The following GATA4 variants were observed in gnomAD, a reference collection of about 807,000 sequenced individuals.
The protein encoded by GATA4 is GATA binding protein 4, also known as transcription factor GATA-4.
GATA4 carries 7 observed loss-of-function variants against 37.9 expected under a neutral mutation model. The observed-to-expected ratio is 0.18, with a 90% confidence interval of 0.11 to 0.35. The LOEUF (loss-of-function observed/expected upper bound fraction) is 0.35, where lower values mean the gene tolerates loss of function less well. Ranked by LOEUF, GATA4 falls within the 10% of genes least tolerant of loss-of-function variation. The pLI is 1.00. For synonymous variants in GATA4, 372 were observed against 292.6 expected (o/e 1.27, Z -2.77); for missense variants, 647 against 653.0 (o/e 0.99, Z 0.10).
upstream of GATA4, among the ~76,000 whole-genome samples, chr8:11,690,473 A>T (rs1799275139): frequency 6.6e-6 from 1 of 152,250 alleles, no homozygotes; most frequent in East Asian, 1.9e-4. Context: ...ATGTATAGAC[A>T]GGTTAAACTA....
intron 1 of GATA4, among the ~76,000 whole-genome samples, chr8:11,698,765 G>C (rs1031981594): frequency 7.2e-5 from 11 of 152,140 alleles, no homozygotes; most frequent in Non-Finnish European, 1.0e-4. Flanking sequence ...GCTGTGCACA[G>C]GGAAGTCCCT....
Position 11,708,691 on chromosome 8 carries a change from C to G in GATA4, c.379C>G (p.Arg127Gly). The change falls in exon 2 of 7, where the codon CGG (arginine) becomes GGG (glycine). Residue 127 changes from arginine to glycine, a missense_variant. By Grantham distance (125) the Arg-to-Gly change is moderately radical. Transcript: ENST00000532059. The surrounding 1 kb of genome is among the most constrained non-coding windows in gnomAD (Gnocchi z 6.7). ...GGCCGCCGCCGCCGCTGCCGCGGCC[C>G]GGGAAGCTGCGGCCTACAGCAGTGG... ...LAAAAAAAAA[R>G]EAAAYSSGGG... is the part of the protein sequence containing the mutation. The G allele has an allele frequency of 3.9e-6, 5 of 1,275,892 alleles. No homozygotes were observed. The highest frequency in any genetic ancestry group is 3.3e-5 in the East Asian group (1 of 30,334). 79.0% of individuals were successfully genotyped at this position (1,275,892 alleles called of 1,614,324 possible).
chr8:11,691,425 C>T (rs1275994175), upstream of GATA4, among the ~76,000 whole-genome samples: 1 of 152,190 alleles, frequency 6.6e-6, no homozygotes, highest in Non-Finnish European at 1.5e-5. Context: ...CTCAGTCCTC[C>T]TGGTAACTGG....
chr8:11,688,524 GCACACACACACACA>G (rs56159918), upstream of GATA4, among the ~76,000 whole-genome samples: 1 of 149,530 alleles, frequency 6.7e-6, no homozygotes, highest in Non-Finnish European at 1.5e-5. Flanking sequence ...GTGCGCGCAT[GCACACACACACACA>G]CACACACACA....
intron 2 of GATA4, among the ~76,000 whole-genome samples, chr8:11,721,743 C>A (rs1490033830): frequency 6.6e-6 from 1 of 152,176 alleles, no homozygotes; most frequent in African/African-American, 2.4e-5. Context: ...CCCAGAAGGT[C>A]AAGCATCTTG....
intron 1 of GATA4, among the ~76,000 whole-genome samples, chr8:11,682,899 G>A (rs1179131784): frequency 6.6e-6 from 1 of 152,172 alleles, no homozygotes; most frequent in Non-Finnish European, 1.5e-5. Context: ...GAACTACTCC[G>A]GAGAATTCGG....
intron 5 of GATA4, 120 bp from the exon 6 acceptor site, chr8:11,756,815 T>C (rs545119281): frequency 1.5e-6 from 2 of 1,344,424 alleles, no homozygotes; most frequent in African/African-American, 2.9e-5. Flanking sequence ...CCTCTGCTGC[T>C]GTCCCCGGCA....
At chr8:11,725,587 G>A (rs1048786726) in intron 2 of GATA4, among the ~76,000 whole-genome samples, 8 of 152,228 alleles carry the variant, frequency 5.3e-5, no homozygotes, top group African/African-American at 1.9e-4. Context: ...TACTGCGCAG[G>A]CTGGGGTGAG....
chr8:11,690,222 A>G (rs969907549), upstream of GATA4, among the ~76,000 whole-genome samples: 1 of 152,256 alleles, frequency 6.6e-6, no homozygotes, highest in Non-Finnish European at 1.5e-5. Context: ...ACACAGTGGA[A>G]GAGACCATGG....
chr8:11,699,848 C>T (rs1799615526), upstream of GATA4, among the ~76,000 whole-genome samples: 1 of 152,184 alleles, frequency 6.6e-6, no homozygotes. Context: ...CTTTTTTAAA[C>T]ATTGATTTTA....
chr8:11,742,272 A>G (rs1161862068), intron 2 of GATA4, among the ~76,000 whole-genome samples: 2 of 152,024 alleles, frequency 1.3e-5, no homozygotes, highest in South Asian at 4.2e-4. Context: ...GTCATTTGTA[A>G]AACCTCTTTG....
rs373755296 is a variant in GATA4 at position 11,680,678 on chromosome 8, A to ACC, written c.-274+3622_-274+3623dup. On this transcript the variant is annotated intron_variant, in intron 1 of 6. Coordinates refer to the GATA4 transcript ENST00000528712. ...TCTCGGGTCGCCCTTTGCGTCAGAG[A>ACC]CCCCCCCCTTGGGGAGACCGGAATC... The ACC allele has an allele frequency of 4.1e-6, 4 of 975,228 alleles. No individual in the cohort carries two copies. The African/African-American group carries it at 7.5e-5, about 18-fold the overall frequency. 60.4% of individuals were successfully genotyped at this position (975,228 alleles called of 1,614,324 possible).
chr8:11,700,170 C>A (rs1467072126), upstream of GATA4, among the ~76,000 whole-genome samples: 3 of 152,156 alleles, frequency 2.0e-5, no homozygotes, highest in African/African-American at 7.2e-5. Context: ...GTTCTGTAAT[C>A]TGGAAGTGAC....
chr8:11,753,237 G>C (rs804284), intron 4 of GATA4, among the ~76,000 whole-genome samples: 35,161 of 152,058 alleles, frequency 0.23, 4,619 homozygotes, highest in African/African-American at 0.34. Context: ...AAAAGGAAGG[G>C]AATTCTGGCC....
rs1359975696 is a variant in GATA4, at chr8:11,679,525, GA to G, written c.-274+2466del. Among the ~76,000 whole-genome samples, 3 of 152,240 alleles carry G rather than the reference GA, an allele frequency of 2.0e-5. No individual in the cohort carries two copies. In the East Asian group the frequency reaches 5.8e-4, roughly 29 times the overall value. ...AGCCCTCTCAGGCTGGCGGCGGAAT[GA>G]AAAGGAACCCCGACTGCTGGGGTCC... is the stretch of plus-strand genomic sequence containing the variant. On this transcript the variant is annotated intron_variant, in intron 1 of 6. Coordinates refer to the GATA4 transcript ENST00000528712.
Position 11,740,271 on chromosome 8 carries a change from C to T in GATA4, c.617-8645C>T, listed in dbSNP as rs577189493. 6.7e-4 allele frequency among the ~76,000 whole-genome samples: 102 copies of T among 152,330 alleles called. 5 individuals carry two copies. The South Asian group carries it at 0.021, about 31-fold the overall frequency. On this transcript the variant is annotated intron_variant, in intron 2 of 6. Coordinates refer to ENST00000532059, the MANE Select transcript of GATA4 (RefSeq NM_001308093.3). Reference sequence around the variant, plus strand: ...GGGAGACACAGAGAGGAGGGATCAGCATGTCACGGATGCAGGTCTCACAGT... The same window carrying T: ...GGGAGACACAGAGAGGAGGGATCAGTATGTCACGGATGCAGGTCTCACAGT...
rs1354776930 is a variant in GATA4 at position 11,709,579 on chromosome 8, G to T, written c.616+651G>T. Among the ~76,000 whole-genome samples the T allele has an allele frequency of 1.3e-5, 2 of 151,898 alleles. No individual in the cohort carries two copies. Among genetic ancestry groups the T allele is most frequent in the Non-Finnish European group, 2.9e-5 (2 of 67,896 alleles). On this transcript the variant is annotated intron_variant, in intron 2 of 6. Transcript: ENST00000532059. The surrounding 1 kb of genome is among the most constrained non-coding windows in gnomAD (Gnocchi z 4.3). ...GTGGGCGCATCATGCGGGCAGCGGGGGGGGGGGCGCACACGCCCGGTCAGT... is the reference window on the plus strand; with the variant it reads ...GTGGGCGCATCATGCGGGCAGCGGGTGGGGGGGCGCACACGCCCGGTCAGT...
chr8:11,743,771 T>G (rs756973222), intron 2 of GATA4, among the ~76,000 whole-genome samples: 1 of 152,202 alleles, frequency 6.6e-6, no homozygotes, highest in Non-Finnish European at 1.5e-5. Flanking sequence ...TTCAACCTCC[T>G]GGCCTGCATT....
At chr8:11,739,162 G>A (rs1801601695) in intron 2 of GATA4, among the ~76,000 whole-genome samples, 1 of 152,204 alleles carries the variant, frequency 6.6e-6, no homozygotes, top group African/African-American at 2.4e-5. Flanking sequence ...GCAGTGCCTA[G>A]GCAGAGATGC....
Sources: allele counts gnomAD v4.1 joint callset (sites outside exome capture counted in the v4.1 genomes callset), GRCh38; gene constraint gnomAD v4.1.1; non-coding constraint Gnocchi (gnomAD v3.1); transcripts MANE v1.5; gene names NCBI Gene and HGNC (gene_info 2026-07-23, HGNC 2026-07-21).